The following ENTPD3 variants were observed in gnomAD, a reference collection of about 807,000 sequenced individuals.
The protein encoded by ENTPD3 is CD39 antigen-like 3.
ENTPD3 carries 60 observed loss-of-function variants against 51.2 expected under a neutral mutation model. The ratio of observed to expected loss-of-function variants is 1.17; its 90% confidence interval spans 0.95 to 1.45. The LOEUF (loss-of-function observed/expected upper bound fraction) is 1.45, where lower values mean the gene tolerates loss of function less well. Ranked by LOEUF, ENTPD3 falls within the 40% of genes most tolerant of loss-of-function variation. The probability of loss-of-function intolerance (pLI) is 0.00; values close to 1 mark genes in which losing one functional copy is unlikely to be tolerated. For synonymous variants in ENTPD3, 221 were observed against 238.4 expected, an observed-to-expected ratio of 0.93 and a Z score of 0.67; for missense variants, 593 against 641.1, an observed-to-expected ratio of 0.93 and a Z score of 0.81.
rs377644776 is a variant in ENTPD3 at position 40,411,941 on chromosome 3, C to G, written c.416C>G (p.Thr139Arg). 1.2e-6 allele frequency: 2 copies of G among 1,610,864 alleles called. No homozygotes were observed. Among genetic ancestry groups the G allele is most frequent in the Non-Finnish European group, 1.7e-6 (2 of 1,178,728 alleles). ...HGSTPIHLGA[T>R]AGMRLLRLQN... ...TCCACCCCCATTCACCTGGGAGCCA[C>G]GGCTGGGATGCGCTTGCTGAGGTAA... is the stretch of plus-strand genomic sequence containing the variant. Residue 139 changes from threonine to arginine, a missense_variant, in exon 5 of 11, where the codon ACG (threonine) becomes AGG (arginine). By Grantham distance (71) the Thr-to-Arg change is moderately conservative. Coordinates refer to ENST00000301825, the MANE Select transcript of ENTPD3 (RefSeq NM_001248.4).
intron 3 of ENTPD3, among the ~76,000 whole-genome samples, chr3:40,400,431 A>C (rs1289078335): frequency 1.3e-5 from 2 of 152,116 alleles, no homozygotes; most frequent in Non-Finnish European, 2.9e-5. Context: ...TGAGACGAAG[A>C]TGGCTTTTGT....
intron 7 of ENTPD3, among the ~76,000 whole-genome samples, chr3:40,416,926 C>G (rs768529373): frequency 6.6e-6 from 1 of 152,200 alleles, no homozygotes; most frequent in Admixed American, 6.5e-5. Flanking sequence ...CCAACCTACT[C>G]TGATAACTGA....
chr3:40,391,941 G>C, intron 2 of ENTPD3, 82 bp from the exon 3 acceptor site: 5 of 1,529,230 alleles, frequency 3.3e-6, no homozygotes, highest in Non-Finnish European at 4.5e-6. Context: ...TGATTATGGG[G>C]CCAGTCCATC....
intron 3 of ENTPD3, among the ~76,000 whole-genome samples, chr3:40,398,102 G>T (rs1216704958): frequency 6.6e-6 from 1 of 152,110 alleles, no homozygotes; most frequent in African/African-American, 2.4e-5. Context: ...GGTAGAGGTG[G>T]GCCTATATCA....
intron 4 of ENTPD3, among the ~76,000 whole-genome samples, chr3:40,405,631 C>A (rs1423321557): frequency 6.6e-6 from 1 of 152,080 alleles, no homozygotes; most frequent in Non-Finnish European, 1.5e-5. Context: ...ATTGAAATAG[C>A]AATTTCAGTG....
chr3:40,414,011 T>A (rs747082750), intron 5 of ENTPD3, among the ~76,000 whole-genome samples: 1 of 152,178 alleles, frequency 6.6e-6, no homozygotes, highest in Non-Finnish European at 1.5e-5. Context: ...GGATGAAAGA[T>A]GAAATAATCT....
chr3:40,387,595 C>G (rs1954968218), intron 1 of ENTPD3, among the ~76,000 whole-genome samples: 1 of 152,114 alleles, frequency 6.6e-6, no homozygotes, highest in African/African-American at 2.4e-5. Context: ...TTTGCAATTT[C>G]CAGCCAGCAG....
chr3:40,388,603 C>CACACACACAG (rs1243133292), intron 2 of ENTPD3, among the ~76,000 whole-genome samples: 2 of 150,256 alleles, frequency 1.3e-5, no homozygotes, highest in Non-Finnish European at 3.0e-5. Flanking sequence ...CACACACACA[C>CACACACACAG]ACACACACAC....
Position 40,410,443 on chromosome 3 carries a change from GAA to G in ENTPD3, c.287-1355_287-1354del, listed in dbSNP as rs11371152. ...GGTGACACAGTGAGACTCCATCTCA[GAA>G]AAAAAAAAAAAAAGAGAAAAAGATA... On this transcript the variant is annotated intron_variant, in intron 4 of 10. Coordinates refer to ENST00000301825, the MANE Select transcript of ENTPD3 (RefSeq NM_001248.4). Among the ~76,000 whole-genome samples, 186 of 120,296 alleles carry G rather than the reference GAA, an allele frequency of 1.5e-3. 2 individuals are homozygous for G. Among genetic ancestry groups the G allele is most frequent in the Admixed American group, 4.3e-3 (50 of 11,744 alleles). 78.9% of individuals were successfully genotyped at this position (120,296 alleles called of 152,430 possible). A position where few individuals can be genotyped will look rare whatever the true frequency, so the allele number is the denominator to read the frequency against.
intron 7 of ENTPD3, among the ~76,000 whole-genome samples, chr3:40,417,770 G>A (rs1014070963): frequency 7.2e-5 from 11 of 152,194 alleles, no homozygotes; most frequent in Non-Finnish European, 1.0e-4. Flanking sequence ...TGGGAGAGAA[G>A]CTCTGGAAAA....
chr3:40,402,388 G>A (rs1277363543), intron 4 of ENTPD3, among the ~76,000 whole-genome samples: 1 of 151,570 alleles, frequency 6.6e-6, no homozygotes, highest in East Asian at 1.9e-4. Flanking sequence ...CAAAGTGCTG[G>A]GATTACAGGT....
At chr3:40,421,597 A>G (rs1955873316) in intron 7 of ENTPD3, among the ~76,000 whole-genome samples, 1 of 152,212 alleles carries the variant, frequency 6.6e-6, no homozygotes, top group African/African-American at 2.4e-5. Flanking sequence ...TGGCAAAATG[A>G]TTGGGAACCA....
chr3:40,399,320 T>G (rs1315518512), intron 3 of ENTPD3, among the ~76,000 whole-genome samples: 1 of 152,224 alleles, frequency 6.6e-6, no homozygotes, highest in African/African-American at 2.4e-5. Flanking sequence ...TGTTTTGTGA[T>G]TTTATTTGTT....
intron 4 of ENTPD3, among the ~76,000 whole-genome samples, chr3:40,406,445 T>G (rs954139366): frequency 5.3e-5 from 8 of 152,226 alleles, no homozygotes; most frequent in Non-Finnish European, 2.9e-5. Flanking sequence ...GGGAAGCCAT[T>G]AGAAGATTCT....
chr3:40,423,141 G>A lies in ENTPD3; in HGVS notation c.1104+19G>A, dbSNP rs144950294. 8.8e-6 allele frequency: 14 copies of A among 1,599,270 alleles called. No individual in the cohort carries two copies. The East Asian group carries it at 3.1e-4, about 36-fold the overall frequency. On this transcript the variant is annotated intron_variant, in intron 8 of 10. Transcript: ENST00000301825. ...ATTTGTGGTAAGAGCAAAACCTTCTGAAAGATTCCTTTCCCCATTGAATAT... is the reference window on the plus strand; with the variant it reads ...ATTTGTGGTAAGAGCAAAACCTTCTAAAAGATTCCTTTCCCCATTGAATAT...
At chr3:40,388,953 C>G (rs1210668294) in intron 2 of ENTPD3, among the ~76,000 whole-genome samples, 1 of 152,160 alleles carries the variant, frequency 6.6e-6, no homozygotes, top group Admixed American at 6.5e-5. Flanking sequence ...ACACACTCCT[C>G]CCCCATGGAT....
intron 4 of ENTPD3, 22 bp from the exon 5 acceptor site, chr3:40,411,790 A>G: frequency 6.4e-7 from 1 of 1,569,432 alleles, no homozygotes; most frequent in African/African-American, 1.4e-5. Context: ...ATGCTGACAG[A>G]TGCTGACTGC....
intron 4 of ENTPD3, among the ~76,000 whole-genome samples, chr3:40,406,536 T>C (rs936329263): frequency 2.0e-5 from 3 of 152,166 alleles, no homozygotes; most frequent in East Asian, 3.8e-4. Context: ...GGGGCTAAGA[T>C]TGGAAGCAAG....
intron 4 of ENTPD3, among the ~76,000 whole-genome samples, chr3:40,409,324 T>C (rs749236273): frequency 2.6e-5 from 4 of 152,198 alleles, no homozygotes; most frequent in Non-Finnish European, 4.4e-5. Context: ...GTTATTAGTG[T>C]TTCTTACAGC....
Sources: allele counts gnomAD v4.1 joint callset (sites outside exome capture counted in the v4.1 genomes callset), GRCh38; gene constraint gnomAD v4.1.1; transcripts MANE v1.5; gene names NCBI Gene and HGNC (gene_info 2026-07-23, HGNC 2026-07-21).